Variants in ZNF169 observed in about 807,000 individuals in gnomAD.
ZNF169 encodes the protein zinc finger protein 169.
Under a neutral mutation model 12.0 loss-of-function variants are expected in ZNF169, and 11 were observed. That is an observed-to-expected ratio of 0.92 (90% confidence interval 0.58 to 1.52). ZNF169 has a LOEUF of 1.52. ZNF169 is among the 40% of genes most tolerant of loss of function. The pLI is 0.00. For missense variants in ZNF169, 722 were observed against 744.0 expected (o/e 0.97, Z 0.34); for synonymous variants, 302 against 286.5 (o/e 1.05, Z -0.55).
intron 2 of ZNF169, among the ~76,000 whole-genome samples, chr9:94,282,240 G>T (rs574118960): frequency 6.6e-6 from 1 of 151,062 alleles, no homozygotes; most frequent in African/African-American, 2.4e-5. Flanking sequence ...AGACCCCTTA[G>T]ATAGGAATTT....
chr9:94,291,532 C>A (rs1462350893), intron 2 of ZNF169, among the ~76,000 whole-genome samples: 1 of 151,948 alleles, frequency 6.6e-6, no homozygotes, highest in Non-Finnish European at 1.5e-5. Flanking sequence ...TGAAACTGTT[C>A]CTATTTGCAG....
At chr9:94,260,742 G>A (rs943086497) in intron 1 of ZNF169, among the ~76,000 whole-genome samples, 1 of 152,036 alleles carries the variant, frequency 6.6e-6, no homozygotes. Context: ...AAGCCTCAGG[G>A]GGCTGTTGAG....
intron 2 of ZNF169, among the ~76,000 whole-genome samples, chr9:94,284,889 A>G (rs1267468948): frequency 6.6e-6 from 1 of 152,126 alleles, no homozygotes; most frequent in Non-Finnish European, 1.5e-5. Context: ...TCATACTGAT[A>G]TTTATATGGA....
rs535337464 is a variant in ZNF169, at chr9:94,296,192, A to G, written c.256+3123A>G. On this transcript the variant is annotated intron_variant, in intron 4 of 4. Transcript: ENST00000395395. ...ATCTTCTTTAGTGAAGTACGTTTTC[A>G]CATCTTTTGCCCATTTAAAAATGTG... Among the ~76,000 whole-genome samples, 16 of 152,302 alleles carry G rather than the reference A, an allele frequency of 1.1e-4. No individual in the cohort carries two copies. The South Asian group carries it at 2.9e-3, about 28-fold the overall frequency.
chr9:94,264,728 T>C (rs915427239), intron 1 of ZNF169, among the ~76,000 whole-genome samples: 11 of 152,328 alleles, frequency 7.2e-5, no homozygotes, highest in African/African-American at 2.4e-4. Context: ...TATTGTTGTG[T>C]AACTGATTTG....
intron 2 of ZNF169, chr9:94,288,150 G>A (rs546824994): frequency 1.2e-6 from 1 of 800,928 alleles, no homozygotes; most frequent in East Asian, 2.6e-5. Flanking sequence ...TGAGGGCCCA[G>A]CAATGTCAAA....
intron 1 of ZNF169, among the ~76,000 whole-genome samples, chr9:94,263,293 T>G (rs1034104564): frequency 1.3e-4 from 20 of 152,224 alleles, no homozygotes; most frequent in African/African-American, 4.8e-4. Context: ...TTTATCTTTG[T>G]TATATCTTCC....
rs148605403 is a variant in ZNF169, at chr9:94,298,402, C to T, written c.257-1413C>T. On this transcript the variant is annotated intron_variant, in intron 4 of 4. Coordinates refer to ENST00000395395, the MANE Select transcript of ZNF169 (RefSeq NM_194320.4). ...ATGACTCATAAGAACTTAGTCCTGC[C>T]GAGCGCAGTGGCTCATGCCTATAAC... 3.4e-3 allele frequency among the ~76,000 whole-genome samples: 518 copies of T among 151,726 alleles called. 8 individuals are homozygous for T. Among genetic ancestry groups the T allele is most frequent in the East Asian group, 6.1e-3 (31 of 5,096 alleles).
In ZNF169 at chr9:94,270,880, T is replaced by G. The variant is rs1564083610; in HGVS notation, c.-55-7878T>G. On this transcript the variant is annotated intron_variant, in intron 1 of 4. Coordinates refer to ENST00000395395, the MANE Select transcript of ZNF169 (RefSeq NM_194320.4). ...ATATATAATAATATATATATTATATTATATAAATATATATAATAATATATA... is the reference window on the plus strand; with the variant it reads ...ATATATAATAATATATATATTATATGATATAAATATATATAATAATATATA... Among the ~76,000 whole-genome samples, 29 of 44,130 alleles carry G rather than the reference T, an allele frequency of 6.6e-4. 2 individuals are homozygous for G. Among genetic ancestry groups the G allele is most frequent in the Admixed American group, 1.0e-3 (2 of 1,934 alleles). The allele number at this position is 44,130 out of a possible 152,430, so 29.0% of individuals were successfully genotyped here. A position where few individuals can be genotyped will look rare whatever the true frequency, so the allele number is the denominator to read the frequency against.
At chr9:94,276,237 A>G (rs1259283610) in intron 1 of ZNF169, among the ~76,000 whole-genome samples, 2 of 152,172 alleles carry the variant, frequency 1.3e-5, no homozygotes, top group Non-Finnish European at 2.9e-5. Flanking sequence ...ATGTCTAAAC[A>G]AGGTTCACAC....
Position 94,292,323 on chromosome 9 carries a change from G to A in ZNF169, c.34-18G>A. The A allele has an allele frequency of 6.2e-7, 1 of 1,614,026 alleles. No individual in the cohort carries two copies. Among genetic ancestry groups the A allele is most frequent in the Non-Finnish European group, 8.5e-7 (1 of 1,180,032 alleles). On this transcript the variant is annotated intron_variant, in intron 2 of 4. Transcript: ENST00000395395. ...CATGGCTGGCTGTTGAGTGAGCAGG[G>A]ATGTGTTTGTGTTACAGGCATTGAT... is the stretch of plus-strand genomic sequence containing the variant.
At chr9:94,287,607 G>A (rs1218750893) in intron 2 of ZNF169, 36 of 533,420 alleles carry the variant, frequency 6.7e-5, no homozygotes, top group East Asian at 3.4e-4. Context: ...CTCGTGATCC[G>A]CCTGCCTCAG....
chr9:94,300,317 GAGGACAC>G lies in ZNF169; in HGVS notation c.761_767del (p.Arg254ThrfsTer76). ...AGAGATCAGACCTTATCAAGCACCA[GAGGACAC>G]ACACCGGGGAGAAGCCATACCTGTG... On this transcript the variant is annotated frameshift_variant, in exon 5 of 5. Coordinates refer to ENST00000395395, the MANE Select transcript of ZNF169 (RefSeq NM_194320.4). LOFTEE classifies it low-confidence loss of function (END_TRUNC). 6.2e-6 allele frequency: 10 copies of G among 1,614,218 alleles called. No individual in the cohort carries two copies. Among genetic ancestry groups the G allele is most frequent in the Non-Finnish European group, 8.5e-6 (10 of 1,180,044 alleles).
At chr9:94,292,553 A>C (rs530399869) in intron 3 of ZNF169, 86 bp downstream of exon 3, 1 of 1,541,334 alleles carries the variant, frequency 6.5e-7, no homozygotes, top group Non-Finnish European at 8.7e-7. Context: ...TCTGACTCAG[A>C]AAAACAGTTT....
rs528626285 is a variant in ZNF169 at position 94,301,197 on chromosome 9, T to C, written c.1639T>C (p.Cys547Arg). Residue 547 changes from cysteine (C) to arginine (R), a missense_variant, in exon 5 of 5, where the codon TGT (cysteine) becomes CGT (arginine). Coordinates refer to ENST00000395395, the MANE Select transcript of ZNF169 (RefSeq NM_194320.4). ...AGAGAAGCCCTGCATTTGCGATGAA[T>C]GTGGGCGCGGCTTTGGCTTTAAGTC... is the stretch of plus-strand genomic sequence containing the variant. ...SGEKPCICDE[C>R]GRGFGFKSAL... The C allele has an allele frequency of 6.8e-6, 11 of 1,614,200 alleles. No individual in the cohort carries two copies. In the African/African-American group the frequency reaches 1.2e-4, roughly 18 times the overall value.
At position 94,277,941 on chromosome 9, in the gene ZNF169, AAG is replaced by A. The variant is rs377613598; in HGVS notation, c.-55-815_-55-814del. The stretch of plus-strand genomic sequence containing the variant: ...AGCGAGACTCCGACTCAAAAAAAAA[AAG>A]AAAAAAGAAAAATCAGAGCTTTGTT... On this transcript the variant is annotated intron_variant, in intron 1 of 4. Transcript: ENST00000395395. 4.4e-4 allele frequency among the ~76,000 whole-genome samples: 65 copies of A among 148,216 alleles called. 3 individuals are homozygous for A. The highest frequency in any genetic ancestry group is 5.7e-4 in the African/African-American group (23 of 40,320).
At chr9:94,285,767 T>C (rs1377081984) in intron 2 of ZNF169, among the ~76,000 whole-genome samples, 2 of 152,066 alleles carry the variant, frequency 1.3e-5, no homozygotes, top group African/African-American at 4.8e-5. Context: ...CCCAGCACTT[T>C]GGGAGGCTGA....
intron 4 of ZNF169, 121 bp from the exon 5 acceptor site, chr9:94,299,694 A>C (rs1831015577): frequency 6.8e-7 from 1 of 1,466,212 alleles, no homozygotes. Flanking sequence ...TAGAGCATGT[A>C]ATGTGCCCTT....
intron 4 of ZNF169, chr9:94,296,831 G>A: frequency 4.4e-6 from 2 of 456,408 alleles, no homozygotes; most frequent in South Asian, 3.1e-5. Flanking sequence ...GGATCACAAG[G>A]TCAGGAGTTC....
Sources: gnomAD v4.1 joint callset for allele counts (sites outside exome capture counted in the v4.1 genomes callset) on GRCh38, gnomAD v4.1.1 for gene constraint, MANE v1.5 for transcripts, NCBI Gene and HGNC (gene_info 2026-07-23, HGNC 2026-07-21) for gene names.